Variants in PDRG1 observed in about 807,000 individuals in gnomAD.
PDRG1 encodes the protein p53 and DNA damage-regulated protein 1.
A neutral mutation model predicts 18.4 loss-of-function variants in PDRG1; 14 were observed. The observed-to-expected ratio is 0.76, with a 90% CI of 0.50 to 1.19. The LOEUF (loss-of-function observed/expected upper bound fraction) is 1.19, where lower values mean the gene tolerates loss of function less well. PDRG1 is among the 50% of genes most tolerant of loss of function. PDRG1 has a pLI of 0.00. For synonymous variants in PDRG1, 65 were observed against 60.9 expected, an observed-to-expected ratio of 1.07 and a Z score of -0.31; for missense variants, 177 against 160.1, an observed-to-expected ratio of 1.11 and a Z score of -0.57.
Position 31,951,918 on chromosome 20 carries a change from T to C in PDRG1, c.44A>G (p.Glu15Gly). 6.3e-7 allele frequency: 1 copy of C among 1,595,862 alleles called. No homozygotes were observed. The highest frequency in any genetic ancestry group is 8.5e-7 in the Non-Finnish European group (1 of 1,171,884). Residue 15 changes from glutamate to glycine, a missense_variant, in exon 1 of 5, where the codon GAA (glutamate) becomes GGA (glycine). Physicochemically the swap from Glu to Gly is moderately conservative, Grantham distance 98. Transcript: ENST00000202017. Reference protein sequence around the residue: ...EAERVLRYLVEVEELAEEVLA... With the variant: ...EAERVLRYLVGVEELAEEVLA... ...CACCTCCTCGGCGAGCTCCTCCACT[T>C]CTACAAGGTACCGCAGCACTCGCTC...
rs370408584 is a variant in PDRG1, at chr20:31,950,098, A to G, written c.163+214T>C. On this transcript the variant is annotated intron_variant, in intron 2 of 4. Transcript: ENST00000202017. The stretch of plus-strand genomic sequence containing the variant: ...ATCGTTGATAAGCCAGGAGCTAACG[A>G]CCTGTCACTGAAGTGAGCAGGCAAA... Among the ~76,000 whole-genome samples, 22 of 152,222 alleles carry G rather than the reference A, an allele frequency of 1.4e-4. No homozygotes were observed. The East Asian group carries it at 2.5e-3, about 17-fold the overall frequency.
At chr20:31,950,021 AG>A (rs1205956073) in intron 2 of PDRG1, among the ~76,000 whole-genome samples, 9 of 152,308 alleles carry the variant, frequency 5.9e-5, no homozygotes, top group African/African-American at 2.2e-4. Flanking sequence ...GTAAAGCACA[AG>A]GGCAGGAACC....
Position 31,944,520 on chromosome 20 carries a change from GCTTAT to G in PDRG1, c.*1282_*1286del, listed in dbSNP as rs1271221160. The G allele has an allele frequency of 6.6e-6, 1 of 152,304 alleles. No individual in the cohort carries two copies. Among genetic ancestry groups the G allele is most frequent in the Non-Finnish European group, 1.5e-5 (1 of 68,148 alleles). The allele number at this position is 152,304 out of a possible 1,614,324, so 9.4% of individuals were successfully genotyped here. ...CACTGTGCTTGCACAAAAATTATTA[GCTTAT>G]AAGACACCAGCCTTCCCCTTGCTTT... On this transcript the variant is annotated 3_prime_UTR_variant, in exon 5 of 5. Coordinates refer to ENST00000202017, the MANE Select transcript of PDRG1 (RefSeq NM_030815.3).
intron 2 of PDRG1, among the ~76,000 whole-genome samples, chr20:31,949,265 G>C (rs1226541849): frequency 6.6e-6 from 1 of 152,198 alleles, no homozygotes; most frequent in Non-Finnish European, 1.5e-5. Flanking sequence ...TCAGTAGTGT[G>C]CTTGGGGTGT....
chr20:31,946,615 A>G, intron 3 of PDRG1, 39 bp from the exon 4 acceptor site: 1 of 1,542,198 alleles, frequency 6.5e-7, no homozygotes, highest in Non-Finnish European at 9.0e-7. Flanking sequence ...ATAAGATTGT[A>G]CCAGACAGAC....
At chr20:31,949,018 GGA>G (rs1328760628) in intron 2 of PDRG1, 136 bp from the exon 3 acceptor site, 1 of 707,520 alleles carries the variant, frequency 1.4e-6, no homozygotes, top group South Asian at 1.9e-5. Flanking sequence ...TTACAGTGGA[GGA>G]GAGAGAATAA....
At chr20:31,946,884 T>A (rs2064322820) in intron 3 of PDRG1, among the ~76,000 whole-genome samples, 2 of 152,170 alleles carry the variant, frequency 1.3e-5, no homozygotes, top group Admixed American at 1.3e-4. Flanking sequence ...CCTCCCACAA[T>A]GAAATTATGG....
chr20:31,951,180 G>C (rs1205004315), intron 1 of PDRG1, among the ~76,000 whole-genome samples: 1 of 152,090 alleles, frequency 6.6e-6, no homozygotes, highest in African/African-American at 2.4e-5. Context: ...CTGGAGATGA[G>C]AGGGAGTCAC....
chr20:31,951,232 C>G (rs2064349979), intron 1 of PDRG1, among the ~76,000 whole-genome samples: 2 of 152,148 alleles, frequency 1.3e-5, no homozygotes, highest in Non-Finnish European at 2.9e-5. Flanking sequence ...GAGTCTGTCT[C>G]CAAAATACAT....
At chr20:31,949,228 C>T (rs911230965) in intron 2 of PDRG1, among the ~76,000 whole-genome samples, 1 of 151,996 alleles carries the variant, frequency 6.6e-6, no homozygotes, top group African/African-American at 2.4e-5. Flanking sequence ...GTGAGCCAAA[C>T]AGAGGAAACA....
rs1359532630 is a variant in PDRG1 at position 31,945,011 on chromosome 20, T to C, written c.*796A>G. ...AGCCCTTAATGAACACATAAGAGTT[T>C]TGACTTCACGGCAGTTCATACTGGG... On this transcript the variant is annotated 3_prime_UTR_variant, in exon 5 of 5. Coordinates refer to ENST00000202017, the MANE Select transcript of PDRG1 (RefSeq NM_030815.3). The C allele has an allele frequency of 3.9e-5, 6 of 152,236 alleles. No individual in the cohort carries two copies. Among genetic ancestry groups the C allele is most frequent in the Non-Finnish European group, 7.3e-5 (5 of 68,044 alleles). The allele number at this position is 152,236 out of a possible 1,614,324, so 9.4% of individuals were successfully genotyped here. A position where few individuals can be genotyped will look rare whatever the true frequency, so the allele number is the denominator to read the frequency against.
intron 1 of PDRG1, among the ~76,000 whole-genome samples, chr20:31,951,398 C>T (rs577342482): frequency 6.6e-6 from 1 of 152,230 alleles, no homozygotes; most frequent in East Asian, 1.9e-4. Flanking sequence ...CCTTTTAAAA[C>T]CTAAATCCAA....
At chr20:31,948,728 G>C (rs2064333791) in intron 3 of PDRG1, 80 bp downstream of exon 3, 1 of 1,338,098 alleles carries the variant, frequency 7.5e-7, no homozygotes, top group Non-Finnish European at 1.0e-6. Context: ...GCTGCCTGAA[G>C]CCTGACTCCC....
intron 2 of PDRG1, 78 bp downstream of exon 2, chr20:31,950,233 CT>C: frequency 1.8e-6 from 2 of 1,108,154 alleles, no homozygotes; most frequent in Non-Finnish European, 2.7e-6. Flanking sequence ...CCTGCCTGAT[CT>C]CTATCAGGAA....
chr20:31,944,731 G>GT lies in PDRG1; in HGVS notation c.*1075dup, dbSNP rs1158539362. On this transcript the variant is annotated 3_prime_UTR_variant, in exon 5 of 5. Transcript: ENST00000202017. Reference sequence around the variant, plus strand: ...TATGTCTAGCTTCTCTTGAAAACACGTAAGAACTGGCCATGACAGCCTGTG... The same window carrying GT: ...TATGTCTAGCTTCTCTTGAAAACACGTTAAGAACTGGCCATGACAGCCTGTG... The GT allele has an allele frequency of 6.6e-6, 1 of 152,160 alleles. No individual in the cohort carries two copies. The highest frequency in any genetic ancestry group is 6.5e-5 in the Admixed American group (1 of 15,278). 9.4% of individuals were successfully genotyped at this position (152,160 alleles called of 1,614,324 possible). A position where few individuals can be genotyped will look rare whatever the true frequency, so the allele number is the denominator to read the frequency against.
Position 31,945,134 on chromosome 20 carries a change from G to C in PDRG1, c.*673C>G, listed in dbSNP as rs1444889238. Reference sequence around the variant, plus strand: ...CATCTTGACACGTGTCATATGGTAAGAGGCGCATCCACTCACCCAGGCCTG... The same window carrying C: ...CATCTTGACACGTGTCATATGGTAACAGGCGCATCCACTCACCCAGGCCTG... On this transcript the variant is annotated 3_prime_UTR_variant, in exon 5 of 5. Coordinates refer to ENST00000202017, the MANE Select transcript of PDRG1 (RefSeq NM_030815.3). 6.6e-6 allele frequency: 1 copy of C among 152,292 alleles called. No individual in the cohort carries two copies. Among genetic ancestry groups the C allele is most frequent in the South Asian group, 2.1e-4 (1 of 4,832 alleles). 9.4% of individuals were successfully genotyped at this position (152,292 alleles called of 1,614,324 possible).
In PDRG1 at chr20:31,944,941, T is replaced by G. The variant is rs1167509868; in HGVS notation, c.*866A>C. The G allele has an allele frequency of 1.3e-5, 2 of 152,182 alleles. No individual in the cohort carries two copies. The highest frequency in any genetic ancestry group is 2.9e-5 in the Non-Finnish European group (2 of 68,052). 9.4% of individuals were successfully genotyped at this position (152,182 alleles called of 1,614,324 possible). A position where few individuals can be genotyped will look rare whatever the true frequency, so the allele number is the denominator to read the frequency against. On this transcript the variant is annotated 3_prime_UTR_variant, in exon 5 of 5. Transcript: ENST00000202017. ...TTACTGAAGGACTAGATGAGGCAAA[T>G]AAAGACTAGTTGCTGCTATTCATTC...
chr20:31,951,672 C>G (rs929640855), intron 1 of PDRG1, among the ~76,000 whole-genome samples: 1 of 152,242 alleles, frequency 6.6e-6, no homozygotes, highest in Non-Finnish European at 1.5e-5. Flanking sequence ...ATCCACAGAG[C>G]ATGGCAAGGG....
intron 4 of PDRG1, among the ~76,000 whole-genome samples, chr20:31,946,247 C>T (rs542387175): frequency 2.0e-5 from 3 of 152,268 alleles, no homozygotes; most frequent in South Asian, 2.1e-4. Context: ...CGATGTATAA[C>T]GTGAGATCAC....
Sources: allele counts gnomAD v4.1 joint callset (sites outside exome capture counted in the v4.1 genomes callset), GRCh38; gene constraint gnomAD v4.1.1; transcripts MANE v1.5; gene names NCBI Gene and HGNC (gene_info 2026-07-23, HGNC 2026-07-21).